Variants in NUDT5 observed in about 807,000 individuals in gnomAD.
NUDT5 encodes the protein ADP-sugar pyrophosphatase.
NUDT5 carries 21 observed loss-of-function variants against 34.1 expected under a neutral mutation model. The observed-to-expected ratio is 0.62, with a 90% CI of 0.44 to 0.89. NUDT5 has a LOEUF of 0.89. NUDT5 is among the 40% of genes least tolerant of loss of function. NUDT5 has a pLI of 0.00. For missense variants in NUDT5, 249 were observed against 274.8 expected (o/e 0.91, Z 0.66); for synonymous variants, 85 against 97.6 (o/e 0.87, Z 0.76).
At chr10:12,167,976 A>C in intron 9 of NUDT5, 165 bp from the exon 10 acceptor site, 1 of 1,297,128 alleles carries the variant, frequency 7.7e-7, no homozygotes, top group Non-Finnish European at 1.0e-6. Flanking sequence ...AATAAAGACT[A>C]TAAAGGCAAG....
At chr10:12,177,016 G>A (rs1834961314) in intron 5 of NUDT5, among the ~76,000 whole-genome samples, 2 of 151,878 alleles carry the variant, frequency 1.3e-5, no homozygotes, top group South Asian at 4.2e-4. Context: ...CAGCTACTCA[G>A]GAGGCTGAGG....
chr10:12,188,111 C>G (rs1386760757), intron 1 of NUDT5, among the ~76,000 whole-genome samples: 2 of 152,132 alleles, frequency 1.3e-5, no homozygotes, highest in Non-Finnish European at 2.9e-5. Context: ...TGCACTCTTA[C>G]GTTCCACGGT....
At chr10:12,190,803 T>C (rs1295292591) in intron 1 of NUDT5, among the ~76,000 whole-genome samples, 2 of 151,568 alleles carry the variant, frequency 1.3e-5, no homozygotes, top group Non-Finnish European at 2.9e-5. Context: ...GAGACGGGGT[T>C]TCACCATATT....
Position 12,181,006 on chromosome 10 carries a change from G to A in NUDT5, c.132-1874C>T, listed in dbSNP as rs1445519106. Among the ~76,000 whole-genome samples, 3 of 152,070 alleles carry A rather than the reference G, an allele frequency of 2.0e-5. No individual in the cohort carries two copies. Among genetic ancestry groups the A allele is most frequent in the African/African-American group, 7.2e-5 (3 of 41,398 alleles). On this transcript the variant is annotated intron_variant, in intron 3 of 9. Coordinates refer to ENST00000491614, the MANE Select transcript of NUDT5 (RefSeq NM_014142.4). This position sits in a 1 kb window ranked among gnomAD's most constrained non-coding sequence, Gnocchi z 5.0. ...CCACATCCCCTTTCATGAATGAGACGGTGGAACATAGGATTCTCTAGCTGC... is the reference window on the plus strand; with the variant it reads ...CCACATCCCCTTTCATGAATGAGACAGTGGAACATAGGATTCTCTAGCTGC...
At position 12,182,440 on chromosome 10, in the gene NUDT5, T is replaced by G. The variant is rs1296435726; in HGVS notation, c.131+2449A>C. Among the ~76,000 whole-genome samples, 1 of 152,176 alleles carries G rather than the reference T, an allele frequency of 6.6e-6. No individual in the cohort carries two copies. The highest frequency in any genetic ancestry group is 2.4e-5 in the African/African-American group (1 of 41,440). On this transcript the variant is annotated intron_variant, in intron 3 of 9. Transcript: ENST00000491614. The surrounding 1 kb of genome is among the most constrained non-coding windows in gnomAD (Gnocchi z 4.3). ...GCATACAGGAAAGTACAAAGACTCA[T>G]TCTTCAAAGGGTGACATTCTGGTAT...
At chr10:12,194,605 ATTT>A (rs1225600395) in intron 1 of NUDT5, among the ~76,000 whole-genome samples, 1 of 152,230 alleles carries the variant, frequency 6.6e-6, no homozygotes, top group Admixed American at 6.5e-5. Flanking sequence ...AGCCAGTAAC[ATTT>A]TTGAGAAAAA....
At chr10:12,177,473 C>T (rs930425081) in intron 5 of NUDT5, among the ~76,000 whole-genome samples, 3 of 152,118 alleles carry the variant, frequency 2.0e-5, no homozygotes, top group Admixed American at 6.5e-5. Context: ...GAGCCGAGAT[C>T]GTGCCACTGC....
intron 4 of NUDT5, 73 bp from the exon 5 acceptor site, chr10:12,177,973 G>A: frequency 9.0e-7 from 1 of 1,107,172 alleles, no homozygotes; most frequent in Non-Finnish European, 1.4e-6. Flanking sequence ...TTTAGAGCAA[G>A]CTAATGAAAA....
chr10:12,177,357 A>G (rs1834967892), intron 5 of NUDT5, among the ~76,000 whole-genome samples: 1 of 151,834 alleles, frequency 6.6e-6, no homozygotes, highest in Non-Finnish European at 1.5e-5. Context: ...GTCTCTACTA[A>G]AAATACAAAA....
chr10:12,186,364 A>G, intron 1 of NUDT5, 32 bp from the exon 2 acceptor site: 1 of 1,188,922 alleles, frequency 8.4e-7, no homozygotes, highest in South Asian at 1.2e-5. Context: ...TCAGGCTAAA[A>G]TTATTTTTCT....
rs1375995344 is a variant in NUDT5 at position 12,167,744 on chromosome 10, A to C, written c.618T>G (p.His206Gln). 6.2e-7 allele frequency: 1 copy of C among 1,614,190 alleles called. No individual in the cohort carries two copies. The highest frequency in any genetic ancestry group is 8.5e-7 in the Non-Finnish European group (1 of 1,180,018). ...RVYSYALALK[H>Q]ANAKPFEVPF... ...GCACTTCAAATGGCTTTGCATTTGC[A>C]TGTTTCAGTGCTAGAGCGTAGGAAT... Residue 206 changes from histidine to glutamine, a missense_variant, in exon 10 of 10, where the codon CAT becomes CAG. His to Gln is a conservative substitution (Grantham distance 24, BLOSUM62 0). Coordinates refer to ENST00000491614, the MANE Select transcript of NUDT5 (RefSeq NM_014142.4).
Position 12,166,241 on chromosome 10 carries a change from C to A in NUDT5, c.*1461G>T, listed in dbSNP as rs867415505. On this transcript the variant is annotated 3_prime_UTR_variant, in exon 10 of 10. Transcript: ENST00000491614. ...GGAAAGACTGGGCTGCGCCCGTCTA[C>A]GGATGCCTTCTCTCTTGATTTCAAT... 6.5e-6 allele frequency: 1 copy of A among 153,216 alleles called. No homozygotes were observed. The highest frequency in any genetic ancestry group is 2.0e-4 in the South Asian group (1 of 4,888). 9.5% of individuals were successfully genotyped at this position (153,216 alleles called of 1,614,324 possible). A position where few individuals can be genotyped will look rare whatever the true frequency, so the allele number is the denominator to read the frequency against.
At chr10:12,172,487 C>T in intron 7 of NUDT5, 1 of 457,234 alleles carries the variant, frequency 2.2e-6, no homozygotes, top group Non-Finnish European at 4.0e-6. Context: ...CTTAAGCCTG[C>T]AGCTCATATT....
chr10:12,193,879 T>G (rs1158666533), intron 1 of NUDT5, among the ~76,000 whole-genome samples: 1 of 152,102 alleles, frequency 6.6e-6, no homozygotes, highest in African/African-American at 2.4e-5. Context: ...CTTTTTTTTT[T>G]TTTTCCCGAG....
At position 12,170,529 on chromosome 10, in the gene NUDT5, A is replaced by G. The variant is rs1386857179; in HGVS notation, c.550+188T>C. On this transcript the variant is annotated intron_variant, in intron 9 of 9. Coordinates refer to ENST00000491614, the MANE Select transcript of NUDT5 (RefSeq NM_014142.4). This position sits in a 1 kb window ranked among gnomAD's most constrained non-coding sequence, Gnocchi z 4.9. ...ACTTGACCCAGAATGCTTTGCTCTT[A>G]TTTTCAAACTCTGTGCCACCCAGAA... The G allele has an allele frequency of 1.2e-5, 8 of 663,570 alleles. No individual in the cohort carries two copies. Among genetic ancestry groups the G allele is most frequent in the African/African-American group, 3.7e-5 (2 of 54,744 alleles). The allele number at this position is 663,570 out of a possible 1,614,324, so 41.1% of individuals were successfully genotyped here.
chr10:12,188,490 T>A (rs1164454732), intron 1 of NUDT5, among the ~76,000 whole-genome samples: 3 of 152,142 alleles, frequency 2.0e-5, no homozygotes, highest in South Asian at 2.1e-4. Flanking sequence ...CCCAGCACTT[T>A]GGGAGGCCAG....
rs747634712 is a variant in NUDT5 at position 12,170,902 on chromosome 10, C to G, written c.494G>C (p.Gly165Ala). The G allele has an allele frequency of 6.8e-6, 11 of 1,613,760 alleles. No homozygotes were observed. Among genetic ancestry groups the G allele is most frequent in the Non-Finnish European group, 8.5e-6 (10 of 1,179,826 alleles). The stretch of plus-strand genomic sequence containing the variant: ...CCACCAGGAGTTGCAGAACATACCT[C>G]CATCCCCTGGAAATAAACAGAAGGA... The part of the protein sequence containing the change: ...NARPKPKPGD[G>A]EFVEVISLPK... The change falls in exon 8 of 10, where the codon GGA becomes GCA. Residue 165 changes from glycine (G) to alanine (A), a missense_variant and splice_region_variant. Gly to Ala is a moderately conservative substitution (Grantham distance 60, BLOSUM62 0). Coordinates refer to ENST00000491614, the MANE Select transcript of NUDT5 (RefSeq NM_014142.4). The surrounding 1 kb of genome is among the most constrained non-coding windows in gnomAD (Gnocchi z 4.9).
intron 1 of NUDT5, among the ~76,000 whole-genome samples, chr10:12,192,729 T>G (rs542085990): frequency 1.3e-5 from 2 of 152,044 alleles, no homozygotes; most frequent in Non-Finnish European, 2.9e-5. Context: ...CACACGCCAG[T>G]AGTCCCAGCT....
chr10:12,171,059 A>G lies in NUDT5; in HGVS notation c.488-151T>C. The G allele has an allele frequency of 1.3e-6, 1 of 790,910 alleles. No homozygotes were observed. The highest frequency in any genetic ancestry group is 1.8e-5 in the South Asian group (1 of 56,874). The allele number at this position is 790,910 out of a possible 1,614,324, so 49.0% of individuals were successfully genotyped here. A position where few individuals can be genotyped will look rare whatever the true frequency, so the allele number is the denominator to read the frequency against. On this transcript the variant is annotated intron_variant, in intron 7 of 9. Coordinates refer to ENST00000491614, the MANE Select transcript of NUDT5 (RefSeq NM_014142.4). The surrounding 1 kb of genome is among the most constrained non-coding windows in gnomAD (Gnocchi z 4.2). ...TTTATATACATTGTCAAACTCGAGC[A>G]GTATGAAGTTATTGTTCTCCACATA...
Sources: gnomAD v4.1 joint callset for allele counts (sites outside exome capture counted in the v4.1 genomes callset) on GRCh38, gnomAD v4.1.1 for gene constraint, Gnocchi (gnomAD v3.1) non-coding constraint, MANE v1.5 for transcripts, NCBI Gene and HGNC (gene_info 2026-07-23, HGNC 2026-07-21) for gene names.